PRKAG2: variants seen among roughly 807,000 people sequenced by gnomAD.
PRKAG2 encodes the protein 5'-AMP-activated protein kinase subunit gamma-2.
Under a neutral mutation model 69.6 loss-of-function variants are expected in PRKAG2, and 26 were observed. The ratio of observed to expected loss-of-function variants is 0.37; its 90% CI spans 0.27 to 0.52. The LOEUF (loss-of-function observed/expected upper bound fraction) is 0.52, where lower values mean the gene tolerates loss of function less well. Among genes scored for constraint, PRKAG2 ranks in the 20% least tolerant of loss-of-function variants. The pLI, the probability that PRKAG2 is intolerant of heterozygous loss-of-function variation, is 0.90. For missense variants in PRKAG2, 557 were observed against 740.0 expected, an observed-to-expected ratio of 0.75 and a Z score of 2.87; for synonymous variants, 293 against 285.0, an observed-to-expected ratio of 1.03 and a Z score of -0.28.
intron 3 of PRKAG2, among the ~76,000 whole-genome samples, chr7:151,763,767 C>T (rs1166993016): frequency 1.3e-5 from 2 of 152,256 alleles, no homozygotes; most frequent in Non-Finnish European, 2.9e-5. Flanking sequence ...ACCCAGCTGT[C>T]TGTCTCCAGA....
chr7:151,865,819 A>C (rs985385025), intron 1 of PRKAG2, among the ~76,000 whole-genome samples: 1 of 152,146 alleles, frequency 6.6e-6, no homozygotes, highest in Admixed American at 6.5e-5. Flanking sequence ...GGAGATTGAG[A>C]CCATCCTGGC....
At chr7:151,861,519 C>T (rs140429059) in intron 1 of PRKAG2, among the ~76,000 whole-genome samples, 1 of 92,486 alleles carries the variant, frequency 1.1e-5, no homozygotes, top group East Asian at 3.4e-4. Flanking sequence ...CAGAATAAGA[C>T]TCTGTCTCCA....
intron 1 of PRKAG2, among the ~76,000 whole-genome samples, chr7:151,843,166 G>T (rs1409748788): frequency 6.6e-6 from 1 of 152,068 alleles, no homozygotes; most frequent in Non-Finnish European, 1.5e-5. Flanking sequence ...TACAAGTTTT[G>T]ATATAAACCT....
intron 4 of PRKAG2, among the ~76,000 whole-genome samples, chr7:151,650,105 C>T (rs776394807): frequency 1.4e-4 from 21 of 152,056 alleles, no homozygotes; most frequent in African/African-American, 4.6e-4. Flanking sequence ...CCTATAGTCC[C>T]AGCTACTCAG....
intron 4 of PRKAG2, among the ~76,000 whole-genome samples, chr7:151,645,634 A>G (rs1258853851): frequency 1.3e-5 from 2 of 152,212 alleles, no homozygotes; most frequent in Non-Finnish European, 2.9e-5. Context: ...TGTACTGTGA[A>G]TAGTGAATAT....
intron 3 of PRKAG2, among the ~76,000 whole-genome samples, chr7:151,742,925 G>A (rs1411076857): frequency 6.6e-6 from 1 of 152,234 alleles, no homozygotes; most frequent in Non-Finnish European, 1.5e-5. Flanking sequence ...ACGCTGATGC[G>A]TTGGGAGAGA....
rs56411327 is a variant in PRKAG2, at chr7:151,691,484, TAA to T, written c.467-15849_467-15848del. ...AACAACAACAACAAAAAAAACTCAG[TAA>T]AAAAAAAAAAAAAGTGGACAGAAGA... On this transcript the variant is annotated intron_variant, in intron 3 of 15. Transcript: ENST00000287878. Among the ~76,000 whole-genome samples, 1,326 of 137,864 alleles carry T rather than the reference TAA, an allele frequency of 9.6e-3. 19 individuals are homozygous for T. Among genetic ancestry groups the T allele is most frequent in the African/African-American group, 0.031 (1,156 of 37,794 alleles). 90.4% of individuals were successfully genotyped at this position (137,864 alleles called of 152,430 possible).
rs1283786161 is a variant in PRKAG2, at chr7:151,699,294, T to C, written c.467-23657A>G. 6.6e-6 allele frequency among the ~76,000 whole-genome samples: 1 copy of C among 152,236 alleles called. No homozygotes were observed. The highest frequency in any genetic ancestry group is 1.5e-5 in the Non-Finnish European group (1 of 68,042). ...ACGAAGGTTGCCTCCCTCCCTGCGG[T>C]CAGGCTGCCTGCAGGCCTAGTCCCA... On this transcript the variant is annotated intron_variant, in intron 3 of 15. Transcript: ENST00000287878. The surrounding 1 kb of genome is among the most constrained non-coding windows in gnomAD (Gnocchi z 4.5).
At chr7:151,876,181 C>T (rs1352038242) in intron 1 of PRKAG2, among the ~76,000 whole-genome samples, 3 of 151,890 alleles carry the variant, frequency 2.0e-5, no homozygotes, top group African/African-American at 7.3e-5. Context: ...ACACAACGCA[C>T]CGCCCCCCGC....
chr7:151,856,788 C>T (rs138025833), intron 1 of PRKAG2, among the ~76,000 whole-genome samples: 1 of 152,118 alleles, frequency 6.6e-6, no homozygotes, highest in Non-Finnish European at 1.5e-5. Flanking sequence ...GTGGCCGCCA[C>T]AGGGAAGAGA....
chr7:151,574,003 TCCTGA>T (rs1808313823), intron 8 of PRKAG2, among the ~76,000 whole-genome samples: 1 of 152,124 alleles, frequency 6.6e-6, no homozygotes, highest in Non-Finnish European at 1.5e-5. Context: ...GGTCTCCAAC[TCCTGA>T]CCTCAAGTGA....
At chr7:151,691,361 A>C (rs940334222) in intron 3 of PRKAG2, among the ~76,000 whole-genome samples, 2 of 152,078 alleles carry the variant, frequency 1.3e-5, no homozygotes, top group Admixed American at 1.3e-4. Flanking sequence ...GAAGCTGAGG[A>C]GGTGAAACCT....
At chr7:151,621,813 G>A (rs1479806417) in intron 5 of PRKAG2, among the ~76,000 whole-genome samples, 2 of 152,220 alleles carry the variant, frequency 1.3e-5, no homozygotes, top group South Asian at 2.1e-4. Context: ...GGGCTCAAGG[G>A]ATCCTCCCAC....
At chr7:151,647,818 G>C (rs1827819783) in intron 4 of PRKAG2, among the ~76,000 whole-genome samples, 1 of 152,228 alleles carries the variant, frequency 6.6e-6, no homozygotes, top group African/African-American at 2.4e-5. Context: ...ACAGTAGAGA[G>C]GGTTGGCTGC....
intron 15 of PRKAG2, chr7:151,557,889 AAC>A: frequency 1.0e-6 from 1 of 977,518 alleles, no homozygotes; most frequent in Non-Finnish European, 1.2e-6. Context: ...AAAAAAAAAA[AAC>A]AAAAAAACAA....
intron 3 of PRKAG2, among the ~76,000 whole-genome samples, chr7:151,690,493 C>T (rs1408431253): frequency 8.5e-5 from 13 of 152,256 alleles, no homozygotes; most frequent in Admixed American, 5.2e-4. Context: ...GAAGGCAGGC[C>T]GGATACTCCA....
intron 1 of PRKAG2, among the ~76,000 whole-genome samples, chr7:151,834,715 G>A (rs192769620): frequency 2.0e-5 from 3 of 152,358 alleles, no homozygotes; most frequent in East Asian, 1.9e-4. Context: ...CCCCAGGAAC[G>A]GAGTGGAGGG....
At chr7:151,841,179 G>A (rs893180379) in intron 1 of PRKAG2, among the ~76,000 whole-genome samples, 3 of 152,118 alleles carry the variant, frequency 2.0e-5, no homozygotes, top group African/African-American at 4.8e-5. Context: ...GTAGAGACAG[G>A]GTTTCCCTAT....
At chr7:151,804,663 T>C (rs968486903) in intron 1 of PRKAG2, among the ~76,000 whole-genome samples, 1 of 152,198 alleles carries the variant, frequency 6.6e-6, no homozygotes, top group Non-Finnish European at 1.5e-5. Flanking sequence ...GTTCAACACC[T>C]GGACTTTTGC....
Sources: allele counts gnomAD v4.1 joint callset (sites outside exome capture counted in the v4.1 genomes callset), GRCh38; gene constraint gnomAD v4.1.1; non-coding constraint Gnocchi (gnomAD v3.1); transcripts MANE v1.5; gene names NCBI Gene and HGNC (gene_info 2026-07-23, HGNC 2026-07-21).